The following USP10 variants were observed in gnomAD, a reference collection of about 807,000 sequenced individuals.
USP10 encodes ubiquitin carboxyl-terminal hydrolase 10.
Under a neutral mutation model 84.5 loss-of-function variants are expected in USP10, and 22 were observed. The ratio of observed to expected loss-of-function variants is 0.26; its 90% CI spans 0.19 to 0.37. The LOEUF (loss-of-function observed/expected upper bound fraction) is 0.37, where lower values mean the gene tolerates loss of function less well. USP10 is among the 10% of genes least tolerant of loss of function. The pLI is 1.00. For synonymous variants in USP10, 454 were observed against 387.6 expected (o/e 1.17, Z -2.01); for missense variants, 1,019 against 998.9 (o/e 1.02, Z -0.27).
chr16:84,741,368 C>T (rs1457971214), intron 3 of USP10, among the ~76,000 whole-genome samples: 2 of 152,234 alleles, frequency 1.3e-5, no homozygotes, highest in Non-Finnish European at 2.9e-5. Context: ...TCCTGAGCCA[C>T]CTTTTAATTG....
chr16:84,711,991 G>A (rs905101180), intron 1 of USP10, among the ~76,000 whole-genome samples: 13 of 152,076 alleles, frequency 8.5e-5, no homozygotes, highest in Non-Finnish European at 1.8e-4. Context: ...ATGTACTGGG[G>A]TTACAGGCAT....
chr16:84,776,244 A>G (rs950815319), intron 13 of USP10, among the ~76,000 whole-genome samples: 1 of 152,064 alleles, frequency 6.6e-6, no homozygotes, highest in Non-Finnish European at 1.5e-5. Context: ...CTCACGCCCG[A>G]TGTTTTAGGA....
At chr16:84,716,942 AG>A (rs1314984908) in intron 1 of USP10, among the ~76,000 whole-genome samples, 1 of 152,226 alleles carries the variant, frequency 6.6e-6, no homozygotes, top group Non-Finnish European at 1.5e-5. Context: ...CCAGAGCCAT[AG>A]GGACAGTCAC....
rs187027608 is a variant in USP10, at chr16:84,734,201, C to G, written c.90+698C>G. The stretch of plus-strand genomic sequence containing the variant: ...AGTTTCACTAGAGACTGCTCGTTTG[C>G]TATCTAGGATTTTAACAGTCTTCAT... On this transcript the variant is annotated intron_variant, in intron 2 of 13. Coordinates refer to ENST00000219473, the MANE Select transcript of USP10 (RefSeq NM_005153.3). Among the ~76,000 whole-genome samples the G allele has an allele frequency of 1.3e-3, 193 of 152,122 alleles. 5 individuals are homozygous for G. The highest frequency in any genetic ancestry group is 0.012 in the Admixed American group (185 of 15,274).
Position 84,732,095 on chromosome 16 carries a change from G to C in USP10, c.22-1340G>C, listed in dbSNP as rs74344192. ...TTAATGTATATTTATAGTTTTGGTA[G>C]ATGTTGTCAAAGAGCTCTCCAGAAA... On this transcript the variant is annotated intron_variant, in intron 1 of 13. Transcript: ENST00000219473. Among the ~76,000 whole-genome samples, 643 of 152,284 alleles carry C rather than the reference G, an allele frequency of 4.2e-3. 2 individuals carry two copies. The highest frequency in any genetic ancestry group is 0.015 in the African/African-American group (610 of 41,558).
intron 11 of USP10, among the ~76,000 whole-genome samples, chr16:84,771,358 C>A (rs896511447): frequency 2.6e-5 from 4 of 152,058 alleles, no homozygotes; most frequent in South Asian, 2.1e-4. Flanking sequence ...TCAAGACCAG[C>A]TGGGCTCATG....
At chr16:84,749,003 A>G (rs926662324) in intron 4 of USP10, among the ~76,000 whole-genome samples, 2 of 152,204 alleles carry the variant, frequency 1.3e-5, no homozygotes, top group Non-Finnish European at 2.9e-5. Context: ...GTTTCTTTAA[A>G]AATATATAAT....
intron 1 of USP10, among the ~76,000 whole-genome samples, chr16:84,731,892 T>C (rs1909287007): frequency 6.6e-6 from 1 of 152,176 alleles, no homozygotes. Context: ...TTTCCCAGTG[T>C]TGGTGATGAG....
intron 6 of USP10, 113 bp downstream of exon 6, chr16:84,759,585 T>C: frequency 4.9e-6 from 5 of 1,017,682 alleles, no homozygotes; most frequent in Non-Finnish European, 7.4e-6. Context: ...CCTATAATTC[T>C]GTCTTTTTTT....
At chr16:84,732,506 G>C in intron 1 of USP10, 1 of 387,588 alleles carries the variant, frequency 2.6e-6, no homozygotes, top group Non-Finnish European at 5.0e-6. Context: ...GGGTGCGGTG[G>C]CGCGATCTCA....
chr16:84,764,078 C>CT lies in USP10; in HGVS notation c.1655-4dup. 1 of 1,610,336 alleles carries CT rather than the reference C, an allele frequency of 6.2e-7. No individual in the cohort carries two copies. Among genetic ancestry groups the CT allele is most frequent in the South Asian group, 1.1e-5 (1 of 90,860 alleles). ...AATAGTAGTGTAAGCAGATGCTCTC[C>CT]TTTTCAGAACTTACGATTTCCAACG... On this transcript the variant is annotated splice_polypyrimidine_tract_variant and splice_region_variant and intron_variant, in intron 9 of 13. Coordinates refer to ENST00000219473, the MANE Select transcript of USP10 (RefSeq NM_005153.3).
At chr16:84,738,947 T>C (rs1910278664) in intron 2 of USP10, among the ~76,000 whole-genome samples, 1 of 152,218 alleles carries the variant, frequency 6.6e-6, no homozygotes, top group South Asian at 2.1e-4. Flanking sequence ...CTGGCCTTTG[T>C]ACTGCAGTGA....
chr16:84,757,852 G>A (rs1294537498), intron 4 of USP10, among the ~76,000 whole-genome samples: 6 of 152,192 alleles, frequency 3.9e-5, no homozygotes, highest in Admixed American at 2.0e-4. Flanking sequence ...GGTCAAAGTG[G>A]TGGTACTCCT....
chr16:84,735,088 G>A (rs1909724082), intron 2 of USP10, among the ~76,000 whole-genome samples: 1 of 151,706 alleles, frequency 6.6e-6, no homozygotes, highest in East Asian at 1.9e-4. Flanking sequence ...AGTGCAGAGT[G>A]CAATCACAAT....
At chr16:84,776,835 T>G (rs1054441946) in intron 13 of USP10, among the ~76,000 whole-genome samples, 1 of 152,174 alleles carries the variant, frequency 6.6e-6, no homozygotes, top group Non-Finnish European at 1.5e-5. Flanking sequence ...TTTTTTGAGA[T>G]AGAGTTTTGC....
In USP10 at chr16:84,742,483, C is replaced by G. The variant is rs147351819; in HGVS notation, c.151+2114C>G. The stretch of plus-strand genomic sequence containing the variant: ...CTAATCTCTGTATATTTCCCTCCCT[C>G]GCCCCCTGCCTTGTAGTCCAGTCCT... On this transcript the variant is annotated intron_variant, in intron 3 of 13. Transcript: ENST00000219473. Among the ~76,000 whole-genome samples, 4 of 152,352 alleles carry G rather than the reference C, an allele frequency of 2.6e-5. No homozygotes were observed. The East Asian group carries it at 7.7e-4, about 29-fold the overall frequency.
Position 84,700,537 on chromosome 16 carries a change from G to C in USP10, c.21+426G>C, listed in dbSNP as rs536329317. Reference sequence around the variant, plus strand: ...CAGCTCAGGTTGCTGCCTCTGCCTGGAGCGAGCCTCAGAGATTTGGGGGTG... The same window carrying C: ...CAGCTCAGGTTGCTGCCTCTGCCTGCAGCGAGCCTCAGAGATTTGGGGGTG... On this transcript the variant is annotated intron_variant, in intron 1 of 13. Transcript: ENST00000219473. 2.1e-3 allele frequency among the ~76,000 whole-genome samples: 322 copies of C among 152,226 alleles called. 2 individuals are homozygous for C. Among genetic ancestry groups the C allele is most frequent in the African/African-American group, 7.1e-3 (297 of 41,564 alleles).
chr16:84,759,961 G>A lies in USP10; in HGVS notation c.1450+15G>A, dbSNP rs1913014676. On this transcript the variant is annotated intron_variant, in intron 7 of 13. Transcript: ENST00000219473. ...ACCCCGACAAGGTTAGTAAAAATGA[G>A]TTTTGTTGATGCTATTACATATTGG... 4 of 1,613,592 alleles carry A rather than the reference G, an allele frequency of 2.5e-6. No homozygotes were observed. Among genetic ancestry groups the A allele is most frequent in the Non-Finnish European group, 3.4e-6 (4 of 1,179,510 alleles).
chr16:84,772,403 CAG>C, intron 11 of USP10, 136 bp from the exon 12 acceptor site: 1 of 1,171,478 alleles, frequency 8.5e-7, no homozygotes, highest in East Asian at 2.4e-5. Context: ...TTCTGTGGGG[CAG>C]GAAAAGCCAT....
Sources: allele counts gnomAD v4.1 joint callset (sites outside exome capture counted in the v4.1 genomes callset), GRCh38; gene constraint gnomAD v4.1.1; transcripts MANE v1.5; gene names NCBI Gene and HGNC (gene_info 2026-07-23, HGNC 2026-07-21).